Variants in CBX5 observed in about 807,000 individuals in gnomAD.
The protein encoded by CBX5 is chromobox 5.
Under a neutral mutation model 20.7 loss-of-function variants are expected in CBX5, and 7 were observed. The ratio of observed to expected loss-of-function variants is 0.34; its 90% CI spans 0.19 to 0.63. CBX5 has a LOEUF of 0.63. CBX5 is among the 30% of genes least tolerant of loss of function. CBX5 has a pLI of 0.75. For synonymous variants in CBX5, 78 were observed against 77.0 expected, an observed-to-expected ratio of 1.01 and a Z score of -0.07; for missense variants, 110 against 224.1, an observed-to-expected ratio of 0.49 and a Z score of 3.25.
At chr12:54,243,627 G>A (rs1943702310) in intron 4 of CBX5, among the ~76,000 whole-genome samples, 1 of 151,882 alleles carries the variant, frequency 6.6e-6, no homozygotes, top group African/African-American at 2.4e-5. Context: ...CCAGCACTTT[G>A]GGAAGCCAAG....
Position 54,240,156 on chromosome 12 carries a change from T to A in CBX5, c.*1599A>T, listed in dbSNP as rs1943662028. The stretch of plus-strand genomic sequence containing the variant: ...GGATCCTCAAAACCCTGCTATTTCC[T>A]TACTTTTAATTGTGATTCTCTAGCC... On this transcript the variant is annotated 3_prime_UTR_variant, in exon 5 of 5. Transcript: ENST00000209875. 6.6e-6 allele frequency: 1 copy of A among 152,236 alleles called. No individual in the cohort carries two copies. The allele number at this position is 152,236 out of a possible 1,614,324, so 9.4% of individuals were successfully genotyped here.
chr12:54,240,432 G>A lies in CBX5; in HGVS notation c.*1323C>T, dbSNP rs941108856. ...TAGAGACAGGGGGTCTCACTACATTGCCCAGGCTGGTCTCAAACTTCTGGC... is the reference window on the plus strand; with the variant it reads ...TAGAGACAGGGGGTCTCACTACATTACCCAGGCTGGTCTCAAACTTCTGGC... On this transcript the variant is annotated 3_prime_UTR_variant, in exon 5 of 5. Transcript: ENST00000209875. 6.6e-6 allele frequency: 1 copy of A among 152,066 alleles called. No homozygotes were observed. The highest frequency in any genetic ancestry group is 1.5e-5 in the Non-Finnish European group (1 of 68,028). The allele number at this position is 152,066 out of a possible 1,614,324, so 9.4% of individuals were successfully genotyped here. A position where few individuals can be genotyped will look rare whatever the true frequency, so the allele number is the denominator to read the frequency against.
intron 1 of CBX5, chr12:54,279,045 CAA>C (rs1433794838): frequency 6.6e-6 from 1 of 152,174 alleles, no homozygotes; most frequent in African/African-American, 2.4e-5. Flanking sequence ...ATTAACCTTG[CAA>C]AGTTTTAAAC....
rs1488085682 is a variant in CBX5 at position 54,234,750 on chromosome 12, C to G, written c.*7005G>C. On this transcript the variant is annotated 3_prime_UTR_variant, in exon 5 of 5. Coordinates refer to ENST00000209875, the MANE Select transcript of CBX5 (RefSeq NM_012117.3). ...CTCCTTCTCTTACTGACCTCAGAAACAAATAGCATTGGAGGATCACTTTCT... is the reference window on the plus strand; with the variant it reads ...CTCCTTCTCTTACTGACCTCAGAAAGAAATAGCATTGGAGGATCACTTTCT... 1 of 152,194 alleles carries G rather than the reference C, an allele frequency of 6.6e-6. No individual in the cohort carries two copies. Among genetic ancestry groups the G allele is most frequent in the African/African-American group, 2.4e-5 (1 of 41,440 alleles). The allele number at this position is 152,194 out of a possible 1,614,324, so 9.4% of individuals were successfully genotyped here.
At position 54,239,896 on chromosome 12, in the gene CBX5, T is replaced by C. The variant is rs1458865364; in HGVS notation, c.*1859A>G. The C allele has an allele frequency of 6.6e-6, 1 of 152,198 alleles. No individual in the cohort carries two copies. Among genetic ancestry groups the C allele is most frequent in the Admixed American group, 6.5e-5 (1 of 15,276 alleles). The allele number at this position is 152,198 out of a possible 1,614,324, so 9.4% of individuals were successfully genotyped here. A position where few individuals can be genotyped will look rare whatever the true frequency, so the allele number is the denominator to read the frequency against. On this transcript the variant is annotated 3_prime_UTR_variant, in exon 5 of 5. Coordinates refer to ENST00000209875, the MANE Select transcript of CBX5 (RefSeq NM_012117.3). ...TGAGCAGGGAAGCAATGTTAACAAA[T>C]GCTATGAATGGGTATATGATTTGCA...
At position 54,232,356 on chromosome 12, in the gene CBX5, G is replaced by C. The variant is rs2137002239; in HGVS notation, c.*9399C>G. On this transcript the variant is annotated 3_prime_UTR_variant, in exon 5 of 5. Coordinates refer to ENST00000209875, the MANE Select transcript of CBX5 (RefSeq NM_012117.3). ...AGTGAGGACCAAAGCCTGTGTGTCA[G>C]GCTTAAACTCTGGCTCAAGACATCC... 1 of 152,294 alleles carries C rather than the reference G, an allele frequency of 6.6e-6. No homozygotes were observed. Among genetic ancestry groups the C allele is most frequent in the Non-Finnish European group, 1.5e-5 (1 of 68,034 alleles). The allele number at this position is 152,294 out of a possible 1,614,324, so 9.4% of individuals were successfully genotyped here.
chr12:54,233,545 C>A lies in CBX5; in HGVS notation c.*8210G>T, dbSNP rs1270463062. 2 of 152,222 alleles carry A rather than the reference C, an allele frequency of 1.3e-5. No individual in the cohort carries two copies. Among genetic ancestry groups the A allele is most frequent in the Non-Finnish European group, 2.9e-5 (2 of 68,058 alleles). The allele number at this position is 152,222 out of a possible 1,614,324, so 9.4% of individuals were successfully genotyped here. On this transcript the variant is annotated 3_prime_UTR_variant, in exon 5 of 5. Transcript: ENST00000209875. ...AAGAATTTCTAGGCAGAAAGCCTCT[C>A]CTTTCTTCCATACCTCTTCACAGCA... is the stretch of plus-strand genomic sequence containing the variant.
At position 54,239,462 on chromosome 12, in the gene CBX5, G is replaced by T. The variant is rs1318846299; in HGVS notation, c.*2293C>A. The T allele has an allele frequency of 6.6e-6, 1 of 152,134 alleles. No individual in the cohort carries two copies. Among genetic ancestry groups the T allele is most frequent in the Non-Finnish European group, 1.5e-5 (1 of 68,026 alleles). The allele number at this position is 152,134 out of a possible 1,614,324, so 9.4% of individuals were successfully genotyped here. Reference sequence around the variant, plus strand: ...GGCTGTCATTTTCTGCAAATCAAGAGACCCATATCACCTCCTCAGGAGCTC... The same window carrying T: ...GGCTGTCATTTTCTGCAAATCAAGATACCCATATCACCTCCTCAGGAGCTC... On this transcript the variant is annotated 3_prime_UTR_variant, in exon 5 of 5. Coordinates refer to ENST00000209875, the MANE Select transcript of CBX5 (RefSeq NM_012117.3).
chr12:54,249,450 ACC>A (rs1230106503), intron 3 of CBX5, among the ~76,000 whole-genome samples: 1 of 147,990 alleles, frequency 6.8e-6, no homozygotes, highest in Non-Finnish European at 1.5e-5. Context: ...TTTTTAACGT[ACC>A]CCCCAGGTGA....
At position 54,241,585 on chromosome 12, in the gene CBX5, C is replaced by A; in HGVS notation, c.*170G>T. ...GAGAGACACTTATCATTAATCAGAC[C>A]ATCAGTTATGTTACAAGAGAACCAA... On this transcript the variant is annotated 3_prime_UTR_variant, in exon 5 of 5. Coordinates refer to ENST00000209875, the MANE Select transcript of CBX5 (RefSeq NM_012117.3). 3.3e-6 allele frequency: 2 copies of A among 605,990 alleles called. No homozygotes were observed. The highest frequency in any genetic ancestry group is 5.7e-6 in the Non-Finnish European group (2 of 350,476). The allele number at this position is 605,990 out of a possible 1,614,324, so 37.5% of individuals were successfully genotyped here. A position where few individuals can be genotyped will look rare whatever the true frequency, so the allele number is the denominator to read the frequency against.
rs1457497138 is a variant in CBX5 at position 54,239,361 on chromosome 12, T to C, written c.*2394A>G. The C allele has an allele frequency of 1.3e-5, 2 of 152,162 alleles. No individual in the cohort carries two copies. Among genetic ancestry groups the C allele is most frequent in the Non-Finnish European group, 2.9e-5 (2 of 68,028 alleles). 9.4% of individuals were successfully genotyped at this position (152,162 alleles called of 1,614,324 possible). On this transcript the variant is annotated 3_prime_UTR_variant, in exon 5 of 5. Transcript: ENST00000209875. ...ATGTTCTTTGTCCACATACTAGGTT[T>C]TTGGTTTTAAAAATAAGGTCGCTGC...
At chr12:54,268,447 TCAGACCACC>T in intron 1 of CBX5, among the ~76,000 whole-genome samples, 1 of 152,320 alleles carries the variant, frequency 6.6e-6, no homozygotes, top group Non-Finnish European at 1.5e-5. Context: ...ATGGGCAATC[TCAGACCACC>T]CAGCTCTTCA....
chr12:54,266,133 G>A (rs995621342), intron 1 of CBX5, among the ~76,000 whole-genome samples: 2 of 151,092 alleles, frequency 1.3e-5, no homozygotes, highest in East Asian at 1.9e-4. Flanking sequence ...AAACGGCTGC[G>A]TGCGGTGGCT....
intron 1 of CBX5, among the ~76,000 whole-genome samples, chr12:54,268,404 T>C (rs1943977621): frequency 1.3e-5 from 2 of 152,178 alleles, no homozygotes; most frequent in Admixed American, 6.5e-5. Flanking sequence ...GACAGTTAAA[T>C]GCAAAGAAAG....
At chr12:54,250,523 G>A (rs2137015794) in intron 3 of CBX5, among the ~76,000 whole-genome samples, 1 of 152,010 alleles carries the variant, frequency 6.6e-6, no homozygotes, top group East Asian at 1.9e-4. Flanking sequence ...GAAAGGGCCG[G>A]GGCCGGGCGC....
chr12:54,241,931 A>G (rs371764475), intron 4 of CBX5, 26 bp from the exon 5 acceptor site: 3 of 1,605,218 alleles, frequency 1.9e-6, no homozygotes, highest in Non-Finnish European at 2.5e-6. Context: ...ATGAGACTTA[A>G]AAGGAGAGGA....
intron 1 of CBX5, among the ~76,000 whole-genome samples, chr12:54,275,130 C>A (rs1944049087): frequency 6.6e-6 from 1 of 152,204 alleles, no homozygotes; most frequent in Non-Finnish European, 1.5e-5. Flanking sequence ...CAACTATCAT[C>A]CTGCTCACCT....
intron 1 of CBX5, among the ~76,000 whole-genome samples, chr12:54,279,625 G>A (rs1452201742): frequency 1.3e-5 from 2 of 152,078 alleles, no homozygotes; most frequent in African/African-American, 2.4e-5. Flanking sequence ...GCCCGATCCC[G>A]CATTCCCCAT....
chr12:54,244,951 G>A (rs1005801827), intron 4 of CBX5, among the ~76,000 whole-genome samples: 1 of 151,872 alleles, frequency 6.6e-6, no homozygotes, highest in Admixed American at 6.6e-5. Flanking sequence ...TGGTCTTACA[G>A]TAAGTAATTC....
Sources: allele counts gnomAD v4.1 joint callset (sites outside exome capture counted in the v4.1 genomes callset), GRCh38; gene constraint gnomAD v4.1.1; transcripts MANE v1.5; gene names NCBI Gene and HGNC (gene_info 2026-07-23, HGNC 2026-07-21).